The following USF3 variants were observed in gnomAD, a reference collection of about 807,000 sequenced individuals.
USF3 encodes basic helix-loop-helix domain-containing protein USF3.
Under a neutral mutation model 157.5 loss-of-function variants are expected in USF3, and 29 were observed. That is an observed-to-expected ratio of 0.18 (90% confidence interval 0.14 to 0.25). USF3 has a LOEUF of 0.25. Among genes scored for constraint, USF3 ranks in the 10% least tolerant of loss-of-function variants. The pLI is 1.00. For synonymous variants in USF3, 893 were observed against 941.4 expected (o/e 0.95, Z 0.94); for missense variants, 2,381 against 2,667.6 (o/e 0.89, Z 2.37).
chr3:113,679,007 G>GTC (rs1367267326), intron 1 of USF3, among the ~76,000 whole-genome samples: 2 of 119,168 alleles, frequency 1.7e-5, no homozygotes, highest in Non-Finnish European at 1.9e-5. Context: ...GTCCAGGCTG[G>GTC]TGTCTCTCTC....
chr3:113,659,995 A>G lies in USF3; in HGVS notation c.1687T>C (p.Cys563Arg). Residue 563 changes from cysteine to arginine, a missense_variant, in exon 7 of 7, where the codon TGC becomes CGC. Physicochemically the swap from Cys to Arg is radical, Grantham distance 180 (BLOSUM62 -3). Around this residue, in one of 6 missense-constraint regions of USF3, gnomAD observed 1,435 missense variants for 1,550.9 expected, o/e 0.93. Transcript: ENST00000316407. Reference sequence around the variant, plus strand: ...ACTTCTGCCCTCATCACTGTTGGGCATGGGGTGGTGCTAGGTGGCTGAAGA... The same window carrying G: ...ACTTCTGCCCTCATCACTGTTGGGCGTGGGGTGGTGCTAGGTGGCTGAAGA... ...IILQPPSTTP[C>R]PTVMRAEVSN... The G allele has an allele frequency of 1.9e-6, 3 of 1,614,194 alleles. No homozygotes were observed. Among genetic ancestry groups the G allele is most frequent in the Non-Finnish European group, 2.5e-6 (3 of 1,180,028 alleles).
At chr3:113,678,586 A>T (rs1707335800) in intron 1 of USF3, among the ~76,000 whole-genome samples, 1 of 150,998 alleles carries the variant, frequency 6.6e-6, no homozygotes, top group African/African-American at 2.4e-5. Flanking sequence ...TCCTGATGCT[A>T]AAAAAAAAGA....
At chr3:113,691,627 A>T (rs1707686689) in intron 1 of USF3, among the ~76,000 whole-genome samples, 1 of 152,200 alleles carries the variant, frequency 6.6e-6, no homozygotes, top group African/African-American at 2.4e-5. Context: ...GCTGAGGCTG[A>T]GTTAGCCCCA....
rs2107918281 is a variant in USF3, at chr3:113,656,717, A to G, written c.4965T>C (p.Cys1655=). The part of the protein sequence containing the change: ...SIVTRSSDMT[C]TPHRPERNRV... ...TATTTCTCTCTGGCCTGTGTGGAGT[A>G]CAGGTCATGTCTGAAGATCTAGTCA... is the stretch of plus-strand genomic sequence containing the variant. The change falls in exon 7 of 7, where the codon TGT becomes TGC. Residue 1655 remains cysteine, a synonymous_variant. Coordinates refer to ENST00000316407, the MANE Select transcript of USF3 (RefSeq NM_001009899.4). The G allele has an allele frequency of 6.2e-7, 1 of 1,614,192 alleles. No homozygotes were observed. The highest frequency in any genetic ancestry group is 2.2e-5 in the East Asian group (1 of 44,886).
chr3:113,691,506 A>G (rs1381624622), intron 1 of USF3, among the ~76,000 whole-genome samples: 3 of 152,176 alleles, frequency 2.0e-5, no homozygotes, highest in Non-Finnish European at 4.4e-5. Flanking sequence ...TTTCCTTCGG[A>G]GATCTTCTCT....
In USF3 at chr3:113,692,948, A is replaced by G. The variant is rs143351714; in HGVS notation, c.-135+3422T>C. 3.0e-4 allele frequency among the ~76,000 whole-genome samples: 46 copies of G among 152,368 alleles called. No homozygotes were observed. The East Asian group carries it at 8.7e-3, about 29-fold the overall frequency. ...AGAGTAAAAGACTCAGGACACATAT[A>G]TGCCTGTGCATACTGGAAGGAAGAT... On this transcript the variant is annotated intron_variant, in intron 1 of 6. Transcript: ENST00000316407.
chr3:113,673,988 C>T (rs1411980290), intron 3 of USF3, among the ~76,000 whole-genome samples: 2 of 152,272 alleles, frequency 1.3e-5, no homozygotes, highest in East Asian at 3.9e-4. Flanking sequence ...CATTAGCATT[C>T]TCTAATAGCT....
At chr3:113,674,966 C>A in intron 2 of USF3, 70 bp from the exon 3 acceptor site, 1 of 915,518 alleles carries the variant, frequency 1.1e-6, no homozygotes, top group Non-Finnish European at 1.8e-6. Flanking sequence ...TGGTCAATAG[C>A]AATTTGATTT....
In USF3 at chr3:113,651,077, T is replaced by G. The variant is rs1947252721; in HGVS notation, c.*3867A>C. 6.6e-6 allele frequency: 1 copy of G among 152,192 alleles called. No homozygotes were observed. The highest frequency in any genetic ancestry group is 2.4e-5 in the African/African-American group (1 of 41,440). 9.4% of individuals were successfully genotyped at this position (152,192 alleles called of 1,614,324 possible). ...TTTCATCTATGATTGACACATTAAA[T>G]GTTTACGCATGAAGAGAATCTGGAA... On this transcript the variant is annotated 3_prime_UTR_variant, in exon 7 of 7. Transcript: ENST00000316407.
intron 5 of USF3, among the ~76,000 whole-genome samples, chr3:113,667,155 C>A (rs1016691862): frequency 1.3e-5 from 2 of 151,390 alleles, no homozygotes; most frequent in African/African-American, 2.4e-5. Flanking sequence ...CAACAGAGAC[C>A]CAATACGTAA....
chr3:113,669,563 G>T (rs1224170040), intron 5 of USF3, among the ~76,000 whole-genome samples: 1 of 151,250 alleles, frequency 6.6e-6, no homozygotes, highest in Non-Finnish European at 1.5e-5. Flanking sequence ...TCAATTTTTT[G>T]TTTTTTTGTT....
rs969951703 is a variant in USF3, at chr3:113,696,637, T to G, written c.-402A>C. ...GACCCGGCGGCAGCGCGGCCTCAAC[T>G]TTCCCAGCCCCCCTCCCCCCGCCCC... On this transcript the variant is annotated 5_prime_UTR_variant, in exon 1 of 7. Transcript: ENST00000316407. 1.7e-4 allele frequency: 24 copies of G among 143,832 alleles called. No homozygotes were observed. 8.9% of individuals were successfully genotyped at this position (143,832 alleles called of 1,614,324 possible). A position where few individuals can be genotyped will look rare whatever the true frequency, so the allele number is the denominator to read the frequency against.
At chr3:113,672,077 C>T (rs1707165330) in intron 4 of USF3, among the ~76,000 whole-genome samples, 2 of 151,906 alleles carry the variant, frequency 1.3e-5, no homozygotes, top group Non-Finnish European at 2.9e-5. Context: ...GGCCTAGCAT[C>T]CTTTTCAATG....
chr3:113,692,316 T>C (rs572473409), intron 1 of USF3, among the ~76,000 whole-genome samples: 2 of 152,296 alleles, frequency 1.3e-5, no homozygotes, highest in South Asian at 4.1e-4. Context: ...CAGACTATAA[T>C]AAATGGTAGA....
At position 113,655,567 on chromosome 3, in the gene USF3, G is replaced by T; in HGVS notation, c.6115C>A (p.Arg2039Ser). ...PATEKRGSIV[R>S]FMPDSPQVPN... is the part of the protein sequence containing the mutation. ...ACTTGTGGGCTATCAGGCATGAAAC[G>T]AACAATACTTCCTCTCTTCTCTGTG... The change falls in exon 7 of 7, where the codon CGT (arginine) becomes AGT (serine). Residue 2039 changes from arginine (R) to serine (S), a missense_variant. Arg to Ser is a moderately radical substitution (Grantham distance 110). Around this residue, in one of 6 missense-constraint regions of USF3, gnomAD observed 770 missense variants for 824.2 expected, o/e 0.93. Transcript: ENST00000316407. 1 of 1,614,078 alleles carries T rather than the reference G, an allele frequency of 6.2e-7. No individual in the cohort carries two copies. Among genetic ancestry groups the T allele is most frequent in the South Asian group, 1.1e-5 (1 of 91,014 alleles).
In USF3 at chr3:113,655,225, C is replaced by T; in HGVS notation, c.6457G>A (p.Gly2153Arg). Residue 2153 changes from glycine to arginine, a missense_variant, in exon 7 of 7, where the codon GGA (glycine) becomes AGA (arginine). Gly to Arg is a moderately radical substitution (Grantham distance 125, BLOSUM62 -2). This residue lies in a region of USF3 where 770 missense variants were observed against 824.2 expected (regional missense o/e 0.93). Transcript: ENST00000316407. ...VNSGSLNNRF[G>R]SILSPPRPVG... ...GGTCTGGGAGGAGATAAAATTGATC[C>T]AAATCGGTTATTTAAACTTCCACTG... The T allele has an allele frequency of 6.2e-7, 1 of 1,614,138 alleles. No homozygotes were observed. The highest frequency in any genetic ancestry group is 8.5e-7 in the Non-Finnish European group (1 of 1,180,020).
intron 4 of USF3, among the ~76,000 whole-genome samples, chr3:113,672,146 TC>T (rs1707169754): frequency 6.6e-6 from 1 of 150,998 alleles, no homozygotes; most frequent in African/African-American, 2.4e-5. Flanking sequence ...TTTTTTTTTT[TC>T]TTTTTTTTTT....
intron 1 of USF3, among the ~76,000 whole-genome samples, chr3:113,687,821 G>C (rs547485534): frequency 2.6e-5 from 4 of 152,168 alleles, no homozygotes; most frequent in Non-Finnish European, 5.9e-5. Context: ...GAACAACTTC[G>C]TCCTTTTATC....
chr3:113,695,940 C>CGAAAGAAATTCAGAGGGCAAG (rs1279967278), intron 1 of USF3, among the ~76,000 whole-genome samples: 2 of 152,122 alleles, frequency 1.3e-5, no homozygotes, highest in African/African-American at 4.8e-5. Flanking sequence ...CGAACGGGTA[C>CGAAAGAAATTCAGAGGGCAAG]GAAAGAAATT....
Sources: gnomAD v4.1 joint callset for allele counts (sites outside exome capture counted in the v4.1 genomes callset) on GRCh38, gnomAD v4.1.1 for gene constraint, gnomAD v4.1.1 regional missense constraint, MANE v1.5 for transcripts, NCBI Gene and HGNC (gene_info 2026-07-23, HGNC 2026-07-21) for gene names.